The following HPSE2 variants were observed in gnomAD, a reference collection of about 807,000 sequenced individuals.
HPSE2 encodes the protein inactive heparanase-2.
In HPSE2, 38 loss-of-function variants were observed where a neutral mutation model predicts 60.5. The observed-to-expected ratio is 0.63, with a 90% CI of 0.48 to 0.82. The LOEUF (loss-of-function observed/expected upper bound fraction) is 0.82. Ranked by LOEUF, HPSE2 falls within the 40% of genes least tolerant of loss-of-function variation. The probability of loss-of-function intolerance (pLI) is 0.00; values close to 1 mark genes in which losing one functional copy is unlikely to be tolerated. For synonymous variants in HPSE2, 295 were observed against 293.2 expected (o/e 1.01, Z -0.06); for missense variants, 713 against 740.4 (o/e 0.96, Z 0.43).
intron 4 of HPSE2, among the ~76,000 whole-genome samples, chr10:98,738,981 C>T (rs1949426968): frequency 6.6e-6 from 1 of 152,118 alleles, no homozygotes; most frequent in Non-Finnish European, 1.5e-5. Flanking sequence ...GATATGTACC[C>T]AAAGGATTAT....
intron 2 of HPSE2, among the ~76,000 whole-genome samples, chr10:99,189,011 C>A (rs571551225): frequency 6.6e-6 from 1 of 152,298 alleles, no homozygotes; most frequent in African/African-American, 2.4e-5. Flanking sequence ...CAGCTGGCAC[C>A]AAGGCAAACC....
At chr10:98,510,004 A>G (rs1564928594) in intron 9 of HPSE2, among the ~76,000 whole-genome samples, 1 of 152,090 alleles carries the variant, frequency 6.6e-6, no homozygotes, top group Non-Finnish European at 1.5e-5. Context: ...TGAAACTCAG[A>G]TATTAGCTCA....
At chr10:99,212,829 A>G (rs1040909902) in intron 2 of HPSE2, among the ~76,000 whole-genome samples, 1 of 152,178 alleles carries the variant, frequency 6.6e-6, no homozygotes, top group Non-Finnish European at 1.5e-5. Flanking sequence ...ATATATGTTA[A>G]TTAGCTCCAC....
intron 3 of HPSE2, among the ~76,000 whole-genome samples, chr10:98,975,870 T>C (rs1956072120): frequency 6.6e-6 from 1 of 152,160 alleles, no homozygotes; most frequent in Non-Finnish European, 1.5e-5. Flanking sequence ...GAAAACTTAA[T>C]ATCTTGATAT....
At chr10:98,957,790 G>A (rs1955547848) in intron 3 of HPSE2, among the ~76,000 whole-genome samples, 1 of 152,138 alleles carries the variant, frequency 6.6e-6, no homozygotes, top group African/African-American at 2.4e-5. Context: ...ATTCAAGGTA[G>A]TTAAATCTTA....
intron 2 of HPSE2, among the ~76,000 whole-genome samples, chr10:99,231,271 C>CAAGATATA (rs1849635723): frequency 6.6e-6 from 1 of 152,152 alleles, no homozygotes; most frequent in South Asian, 2.1e-4. Flanking sequence ...TTTGTAAGGA[C>CAAGATATA]AAGATATAAC....
chr10:98,560,943 A>T (rs559092232), intron 9 of HPSE2, among the ~76,000 whole-genome samples: 1 of 152,140 alleles, frequency 6.6e-6, no homozygotes, highest in Non-Finnish European at 1.5e-5. Context: ...ATAATAAATG[A>T]CTTTGTGACT....
intron 3 of HPSE2, among the ~76,000 whole-genome samples, chr10:98,960,735 A>ATTTTTTTTTTTTTTTTT (rs1192601127): frequency 2.1e-5 from 1 of 48,378 alleles, no homozygotes; most frequent in African/African-American, 7.9e-5. Flanking sequence ...TATTTTTTTT[A>ATTTTTTTTTTTTTTTTT]TTTTATTTTT....
chr10:98,620,404 C>T (rs991892339), intron 8 of HPSE2, among the ~76,000 whole-genome samples, 198 bp downstream of exon 8: 6 of 152,134 alleles, frequency 3.9e-5, no homozygotes, highest in African/African-American at 1.4e-4. Context: ...TGCTCTGATG[C>T]CTGTGCCTGA....
chr10:99,010,279 A>G (rs917057482), intron 3 of HPSE2, among the ~76,000 whole-genome samples: 3 of 152,218 alleles, frequency 2.0e-5, no homozygotes, highest in Non-Finnish European at 4.4e-5. Flanking sequence ...ACATTATAAA[A>G]GGTAAATAAA....
chr10:98,794,830 A>G lies in HPSE2; in HGVS notation c.611-50774T>C, dbSNP rs377310491. Among the ~76,000 whole-genome samples, 7 of 152,132 alleles carry G rather than the reference A, an allele frequency of 4.6e-5. No homozygotes were observed. The East Asian group carries it at 5.8e-4, about 13-fold the overall frequency. ...TGCTTTGCTAGGAGGAGATCAATGT[A>G]TGTTTATGCTTTAAACGATTGCAAA... On this transcript the variant is annotated intron_variant, in intron 3 of 11. Coordinates refer to ENST00000370552, the MANE Select transcript of HPSE2 (RefSeq NM_021828.5).
intron 2 of HPSE2, among the ~76,000 whole-genome samples, chr10:99,148,478 A>G (rs1334082019): frequency 6.6e-6 from 1 of 152,174 alleles, no homozygotes; most frequent in Non-Finnish European, 1.5e-5. Context: ...AATATGGAAA[A>G]TAATGTTGAT....
At chr10:98,723,774 G>A (rs1948991075) in intron 4 of HPSE2, among the ~76,000 whole-genome samples, 1 of 152,188 alleles carries the variant, frequency 6.6e-6, no homozygotes, top group Non-Finnish European at 1.5e-5. Context: ...AGTATTCTCT[G>A]ATGATAGTTT....
intron 3 of HPSE2, among the ~76,000 whole-genome samples, chr10:99,077,618 T>C: frequency 6.6e-6 from 1 of 152,050 alleles, no homozygotes; most frequent in Non-Finnish European, 1.5e-5. Context: ...CGACTTCATA[T>C]ATATACACAC....
At chr10:99,084,930 C>T (rs990139866) in intron 3 of HPSE2, among the ~76,000 whole-genome samples, 17 of 152,328 alleles carry the variant, frequency 1.1e-4, no homozygotes, top group African/African-American at 4.1e-4. Flanking sequence ...TTCTCCCTCT[C>T]CTAAATTTAC....
intron 3 of HPSE2, among the ~76,000 whole-genome samples, chr10:99,097,754 A>C (rs921092281): frequency 1.3e-5 from 2 of 152,242 alleles, no homozygotes; most frequent in Non-Finnish European, 2.9e-5. Flanking sequence ...AATCTAAACT[A>C]TAATCCTACG....
intron 9 of HPSE2, among the ~76,000 whole-genome samples, chr10:98,510,777 C>T (rs1394815624): frequency 2.0e-5 from 3 of 152,200 alleles, no homozygotes; most frequent in African/African-American, 4.8e-5. Context: ...CAAAGATGAA[C>T]AAGACATCCT....
At chr10:98,479,382 G>A (rs1306742393) in intron 11 of HPSE2, among the ~76,000 whole-genome samples, 1 of 152,180 alleles carries the variant, frequency 6.6e-6, no homozygotes. Context: ...GGCCCCAGAG[G>A]CTTATAAAAG....
chr10:98,975,462 C>T (rs79538382), intron 3 of HPSE2, among the ~76,000 whole-genome samples: 2,035 of 151,532 alleles, frequency 0.013, 37 homozygotes, highest in African/African-American at 0.046. Flanking sequence ...ACACAATAGT[C>T]ATGTGTTCTG....
Sources: gnomAD v4.1 joint callset for allele counts (sites outside exome capture counted in the v4.1 genomes callset) on GRCh38, gnomAD v4.1.1 for gene constraint, MANE v1.5 for transcripts, NCBI Gene and HGNC (gene_info 2026-07-23, HGNC 2026-07-21) for gene names.